Variants in DOP1B observed in about 807,000 individuals in gnomAD.
The protein encoded by DOP1B is protein DOP1B.
A neutral mutation model predicts 233.5 loss-of-function variants in DOP1B; 174 were observed. The observed-to-expected ratio is 0.75, with a 90% CI of 0.66 to 0.85. DOP1B has a LOEUF of 0.85. Among genes scored for constraint, DOP1B ranks in the 40% least tolerant of loss-of-function variants. DOP1B has a pLI of 0.00. For missense variants in DOP1B, 2,652 were observed against 2,846.6 expected (o/e 0.93, Z 1.56); for synonymous variants, 1,190 against 1,185.6 (o/e 1.00, Z -0.08).
rs141524099 is a variant in DOP1B at position 36,277,073 on chromosome 21, C to T, written c.5685C>T (p.Ser1895=). The T allele has an allele frequency of 3.7e-4, 592 of 1,614,120 alleles. 1 individual carries two copies. The African/African-American group carries it at 5.9e-3, about 16-fold the overall frequency. ...CTTCATCCGCCCCGTCGGTGTACAGCGTGCAAGCCCTCTCTCTCCTGGCAG... is the reference window on the plus strand; with the variant it reads ...CTTCATCCGCCCCGTCGGTGTACAGTGTGCAAGCCCTCTCTCTCCTGGCAG... ...MVSSSAPSVY[S]VQALSLLAEV... is the part of the protein sequence containing the mutation. The change falls in exon 28 of 37, where the codon AGC becomes AGT. Residue 1895 remains serine, a synonymous_variant. Coordinates refer to ENST00000691173, the MANE Select transcript of DOP1B (RefSeq NM_001320714.2).
chr21:36,201,345 C>CTTTTTTTTTTTTTTTTTTTTTTTTTTTTT (rs1172730528), intron 4 of DOP1B, among the ~76,000 whole-genome samples: 13 of 83,260 alleles, frequency 1.6e-4, no homozygotes, highest in East Asian at 6.8e-4. Context: ...CTATTGGATT[C>CTTTTTTTTTTTTTTTTTTTTTTTTTTTTT]TTTTTTTTTT....
At chr21:36,219,545 AT>A (rs147593293) in intron 10 of DOP1B, 53 bp downstream of exon 10, 446 of 1,526,368 alleles carry the variant, frequency 2.9e-4, no homozygotes, top group Admixed American at 9.4e-4. Flanking sequence ...CGGTACTGTG[AT>A]TTTTTTTTTC....
In DOP1B at chr21:36,292,239, T is replaced by C. The variant is rs1282454637; in HGVS notation, c.6645+6T>C. 2.6e-6 allele frequency: 4 copies of C among 1,566,834 alleles called. No homozygotes were observed. Among genetic ancestry groups the C allele is most frequent in the Non-Finnish European group, 8.6e-7 (1 of 1,166,054 alleles). On this transcript the variant is annotated splice_donor_region_variant and intron_variant, in intron 36 of 36. Transcript: ENST00000691173. Reference sequence around the variant, plus strand: ...TTCTAAAATTAAAGTTTGGGGTAAGTGCTTTTCTTTTCTTTTCTTTTTTTT... The same window carrying C: ...TTCTAAAATTAAAGTTTGGGGTAAGCGCTTTTCTTTTCTTTTCTTTTTTTT...
At chr21:36,286,481 CA>C (rs1402118362) in intron 32 of DOP1B, among the ~76,000 whole-genome samples, 1 of 151,230 alleles carries the variant, frequency 6.6e-6, no homozygotes. Flanking sequence ...CTAAAAATAC[CA>C]AAAATTAGCT....
chr21:36,197,286 C>T (rs112752518), intron 2 of DOP1B, among the ~76,000 whole-genome samples: 85 of 152,216 alleles, frequency 5.6e-4, no homozygotes, highest in African/African-American at 1.9e-3. Context: ...TTCACTTAGA[C>T]CACAGATATC....
At chr21:36,268,859 G>C (rs567172079) in intron 26 of DOP1B, among the ~76,000 whole-genome samples, 1 of 151,972 alleles carries the variant, frequency 6.6e-6, no homozygotes, top group Non-Finnish European at 1.5e-5. Flanking sequence ...TAGCAGAGAC[G>C]GGGTTTCACC....
intron 2 of DOP1B, among the ~76,000 whole-genome samples, chr21:36,191,868 T>A (rs1435165833): frequency 1.3e-5 from 2 of 152,198 alleles, no homozygotes; most frequent in African/African-American, 4.8e-5. Context: ...CTTTTCTCTT[T>A]ATGCTATTGT....
intron 2 of DOP1B, among the ~76,000 whole-genome samples, chr21:36,177,767 A>C (rs890912553): frequency 1.3e-5 from 2 of 152,216 alleles, no homozygotes; most frequent in Non-Finnish European, 2.9e-5. Flanking sequence ...GGGACTCTGC[A>C]GAGAGTCTCC....
At chr21:36,195,230 A>G (rs1325660475) in intron 2 of DOP1B, among the ~76,000 whole-genome samples, 1 of 151,748 alleles carries the variant, frequency 6.6e-6, no homozygotes, top group African/African-American at 2.4e-5. Context: ...AATCCCAGCT[A>G]CTTGGGAGGC....
chr21:36,209,273 C>G (rs532557318), intron 5 of DOP1B, among the ~76,000 whole-genome samples: 4 of 152,320 alleles, frequency 2.6e-5, no homozygotes, highest in Non-Finnish European at 4.4e-5. Context: ...AGGCACCCAC[C>G]ACCATGCCCG....
chr21:36,198,927 C>T, intron 2 of DOP1B, 143 bp from the exon 3 acceptor site: 1 of 821,518 alleles, frequency 1.2e-6, no homozygotes, highest in Non-Finnish European at 1.8e-6. Context: ...GCCATGCAGT[C>T]CCTCTGCCCC....
intron 2 of DOP1B, among the ~76,000 whole-genome samples, chr21:36,191,265 A>G (rs2123453299): frequency 6.6e-6 from 1 of 152,122 alleles, no homozygotes; most frequent in South Asian, 2.1e-4. Flanking sequence ...GAAAAAAAAA[A>G]AAACAAAAAA....
chr21:36,194,386 A>G (rs2066265040), intron 2 of DOP1B, among the ~76,000 whole-genome samples: 1 of 151,748 alleles, frequency 6.6e-6, no homozygotes. Flanking sequence ...TCACTGTTAT[A>G]TTAATTTTAT....
chr21:36,284,867 AATT>A (rs201514022), intron 32 of DOP1B, among the ~76,000 whole-genome samples: 1,742 of 150,294 alleles, frequency 0.012, 22 homozygotes, highest in South Asian at 0.024. Context: ...TGTAACATGT[AATT>A]ATTATATTTG....
chr21:36,167,929 C>CTTTTTTTTTTTTTTTTT lies in DOP1B; in HGVS notation c.138+3062_138+3063insTTTTTTTTTTTTTTTTT, dbSNP rs1568996068. ...GGTAAGTCACATTTTCTTTTCTTTT[C>CTTTTTTTTTTTTTTTTT]TTTTCTTTTTCTTTTTTTTTTTTTT... is the stretch of plus-strand genomic sequence containing the variant. On this transcript the variant is annotated intron_variant, in intron 2 of 36. Transcript: ENST00000691173. Among the ~76,000 whole-genome samples, 7 of 97,312 alleles carry CTTTTTTTTTTTTTTTTT rather than the reference C, an allele frequency of 7.2e-5. 1 individual carries two copies. The highest frequency in any genetic ancestry group is 7.6e-4 in the South Asian group (2 of 2,628). The allele number at this position is 97,312 out of a possible 152,430, so 63.8% of individuals were successfully genotyped here. A position where few individuals can be genotyped will look rare whatever the true frequency, so the allele number is the denominator to read the frequency against.
Position 36,253,800 on chromosome 21 carries a change from T to A in DOP1B, c.5150T>A (p.Leu1717Gln). ...ATCCCAACGGCAAGTGCATCCCAGCTAACCCTTGTCGACTTGGTGTGTGCA... is the reference window on the plus strand; with the variant it reads ...ATCCCAACGGCAAGTGCATCCCAGCAAACCCTTGTCGACTTGGTGTGTGCA... ...KIIPTASASQ[L>Q]TLVDLVCALS... is the part of the protein sequence containing the mutation. The change falls in exon 23 of 37, where the codon CTA (leucine) becomes CAA (glutamine). Residue 1717 changes from leucine (L) to glutamine (Q), a missense_variant. Transcript: ENST00000691173. The A allele has an allele frequency of 1.9e-6, 3 of 1,613,968 alleles. No homozygotes were observed. The highest frequency in any genetic ancestry group is 2.5e-6 in the Non-Finnish European group (3 of 1,179,932).
At chr21:36,213,487 C>T (rs1009427397) in intron 7 of DOP1B, among the ~76,000 whole-genome samples, 2 of 151,878 alleles carry the variant, frequency 1.3e-5, no homozygotes, top group Non-Finnish European at 2.9e-5. Flanking sequence ...CAAAAAAACA[C>T]TGGTTTTAAA....
At chr21:36,164,680 A>G (rs780008063) in intron 1 of DOP1B, 28 bp from the exon 2 acceptor site, 9 of 1,503,536 alleles carry the variant, frequency 6.0e-6, no homozygotes, top group Admixed American at 2.3e-5. Context: ...TGGCTCTCTC[A>G]TTTGGTTATT....
At chr21:36,274,670 G>A (rs2146239687) in intron 27 of DOP1B, among the ~76,000 whole-genome samples, 1 of 152,184 alleles carries the variant, frequency 6.6e-6, no homozygotes, top group East Asian at 1.9e-4. Flanking sequence ...AGCTGACAAT[G>A]TAGAATTCAT....
Sources: allele counts gnomAD v4.1 joint callset (sites outside exome capture counted in the v4.1 genomes callset), GRCh38; gene constraint gnomAD v4.1.1; transcripts MANE v1.5; gene names NCBI Gene and HGNC (gene_info 2026-07-23, HGNC 2026-07-21).